Variants in RABL6 observed in about 807,000 individuals in gnomAD.
The protein encoded by RABL6 is rab-like protein 6.
RABL6 carries 28 observed loss-of-function variants against 72.9 expected under a neutral mutation model. The observed-to-expected ratio is 0.38, with a 90% CI of 0.28 to 0.53. RABL6 has a LOEUF of 0.53. Among genes scored for constraint, RABL6 ranks in the 20% least tolerant of loss-of-function variants. RABL6 has a pLI of 0.80. For synonymous variants in RABL6, 477 were observed against 421.2 expected (o/e 1.13, Z -1.62); for missense variants, 1,029 against 1,008.4 (o/e 1.02, Z -0.28).
chr9:136,839,327 C>T lies in RABL6; in HGVS notation c.1599C>T (p.Arg533=), dbSNP rs753915770. The T allele has an allele frequency of 1.9e-6, 3 of 1,612,596 alleles. No individual in the cohort carries two copies. The highest frequency in any genetic ancestry group is 2.2e-5 in the East Asian group (1 of 44,878). The part of the protein sequence containing the change: ...GVSVRTGPEK[R]SSTRPPAEME... ...CTGTTCGCACAGGTCCGGAGAAGCG[C>T]AGCAGCACCAGGCCCCCTGCTGAGA... The change falls in exon 12 of 15, where the codon CGC becomes CGT. Residue 533 remains arginine, a synonymous_variant. Coordinates refer to ENST00000311502, the MANE Select transcript of RABL6 (RefSeq NM_024718.5).
intron 2 of RABL6, 98 bp downstream of exon 2, chr9:136,823,757 A>C: frequency 7.0e-7 from 1 of 1,420,496 alleles, no homozygotes; most frequent in Non-Finnish European, 9.3e-7. Flanking sequence ...GGTCTCCCCG[A>C]AGAGTTCTTG....
Position 136,841,182 on chromosome 9 carries a change from A to T in RABL6, c.*660A>T. ...TCAGACCATAAAGCACTCCTGTTTCACTCTGCGTGTGTCTGTTCTTCTGCC... is the reference window on the plus strand; with the variant it reads ...TCAGACCATAAAGCACTCCTGTTTCTCTCTGCGTGTGTCTGTTCTTCTGCC... On this transcript the variant is annotated 3_prime_UTR_variant, in exon 15 of 15. Transcript: ENST00000311502. 1 of 630,154 alleles carries T rather than the reference A, an allele frequency of 1.6e-6. No homozygotes were observed. 39.0% of individuals were successfully genotyped at this position (630,154 alleles called of 1,614,324 possible). A position where few individuals can be genotyped will look rare whatever the true frequency, so the allele number is the denominator to read the frequency against.
At chr9:136,815,339 G>T in intron 1 of RABL6, 1 of 276,726 alleles carries the variant, frequency 3.6e-6, no homozygotes, top group Non-Finnish European at 7.4e-6. Context: ...TTTTTGTTCG[G>T]GAAACTGTCA....
intron 5 of RABL6, among the ~76,000 whole-genome samples, chr9:136,829,693 A>T (rs1014139042): frequency 6.6e-6 from 1 of 152,240 alleles, no homozygotes; most frequent in Non-Finnish European, 1.5e-5. Context: ...ATGGGGCGGG[A>T]TGGCGTGGGC....
At chr9:136,821,457 C>T (rs1213579248) in intron 1 of RABL6, 2 of 985,438 alleles carry the variant, frequency 2.0e-6, no homozygotes, top group Non-Finnish European at 2.4e-6. Flanking sequence ...ACCTCGGGGC[C>T]GCGGGACGGA....
chr9:136,819,128 C>T (rs1276924862), intron 1 of RABL6, among the ~76,000 whole-genome samples: 2 of 152,010 alleles, frequency 1.3e-5, no homozygotes, highest in African/African-American at 2.4e-5. Flanking sequence ...CGAGACCATC[C>T]TGGCTAACAT....
intron 1 of RABL6, chr9:136,809,558 C>T (rs187044747): frequency 5.5e-5 from 10 of 180,314 alleles, no homozygotes; most frequent in Admixed American, 4.9e-4. Flanking sequence ...GGGCAGATCA[C>T]GAGGTCAGGA....
chr9:136,838,795 G>A (rs1458377475), intron 10 of RABL6, 114 bp from the exon 11 acceptor site: 3 of 930,372 alleles, frequency 3.2e-6, no homozygotes, highest in African/African-American at 1.7e-5. Context: ...CTGGGGTGGG[G>A]TGGCCCCACG....
chr9:136,820,554 A>T (rs1026634428), intron 1 of RABL6, among the ~76,000 whole-genome samples: 1 of 152,090 alleles, frequency 6.6e-6, no homozygotes, highest in Non-Finnish European at 1.5e-5. Flanking sequence ...TATTTTTAGT[A>T]GATACGGGGT....
At chr9:136,816,724 AG>A (rs1212586246) in intron 1 of RABL6, among the ~76,000 whole-genome samples, 9,564 of 112,860 alleles carry the variant, frequency 0.085, 411 homozygotes, top group African/African-American at 0.13. Context: ...CTCAAAAAAA[AG>A]GGGGGGGGGG....
intron 1 of RABL6, chr9:136,812,713 C>T: frequency 3.5e-6 from 1 of 284,486 alleles, no homozygotes; most frequent in South Asian, 4.4e-5. Context: ...TGTCATTGAT[C>T]AGGTAACGGA....
intron 1 of RABL6, chr9:136,813,720 AT>A: frequency 5.2e-6 from 1 of 190,892 alleles, no homozygotes; most frequent in Non-Finnish European, 1.1e-5. Context: ...AGTTTGCGCC[AT>A]TTTCCTGCCT....
intron 7 of RABL6, chr9:136,834,045 G>C: frequency 6.9e-7 from 1 of 1,458,866 alleles, no homozygotes; most frequent in Non-Finnish European, 9.1e-7. Context: ...GTAGGGCTGA[G>C]CTGTGTGTGA....
At chr9:136,822,331 G>T (rs1227366388) in intron 1 of RABL6, among the ~76,000 whole-genome samples, 5 of 152,138 alleles carry the variant, frequency 3.3e-5, no homozygotes, top group Non-Finnish European at 7.4e-5. Context: ...CACCAACCCG[G>T]CTCCCTTCCC....
At position 136,808,386 on chromosome 9, in the gene RABL6, C is replaced by T. The variant is rs1189737816; in HGVS notation, c.130+60C>T. The T allele has an allele frequency of 3.6e-6, 5 of 1,384,600 alleles. No individual in the cohort carries two copies. In the African/African-American group the frequency reaches 6.2e-5, roughly 17 times the overall value. 85.8% of individuals were successfully genotyped at this position (1,384,600 alleles called of 1,614,324 possible). On this transcript the variant is annotated intron_variant, in intron 1 of 14. Coordinates refer to ENST00000311502, the MANE Select transcript of RABL6 (RefSeq NM_024718.5). Reference sequence around the variant, plus strand: ...CGCGCGGGTCTCCGAACCCAGGCCCCGGGCGCCGCGCGGTGGTGGGTGTCG... The same window carrying T: ...CGCGCGGGTCTCCGAACCCAGGCCCTGGGCGCCGCGCGGTGGTGGGTGTCG...
intron 7 of RABL6, chr9:136,833,943 G>C (rs1394075299): frequency 4.5e-6 from 7 of 1,548,076 alleles, no homozygotes; most frequent in Non-Finnish European, 6.1e-6. Flanking sequence ...CCACTGCTCA[G>C]CTGCTCCATT....
intron 1 of RABL6, chr9:136,813,123 G>T: frequency 2.4e-6 from 1 of 424,336 alleles, no homozygotes; most frequent in South Asian, 2.0e-5. Context: ...CCTCTTCAGT[G>T]GTGTCCTCAG....
rs1564371707 is a variant in RABL6 at position 136,837,221 on chromosome 9, G to A, written c.810-125G>A. 2.7e-6 allele frequency: 3 copies of A among 1,097,342 alleles called. No individual in the cohort carries two copies. In the South Asian group the frequency reaches 4.0e-5, roughly 15 times the overall value. 68.0% of individuals were successfully genotyped at this position (1,097,342 alleles called of 1,614,324 possible). Reference sequence around the variant, plus strand: ...GGATGGGGATGATGGCCTCTGTGGGGCGGGTGGCCCAGAACACAGTGGCTC... The same window carrying A: ...GGATGGGGATGATGGCCTCTGTGGGACGGGTGGCCCAGAACACAGTGGCTC... On this transcript the variant is annotated intron_variant, in intron 8 of 14. Transcript: ENST00000311502.
rs536135310 is a variant in RABL6 at position 136,812,846 on chromosome 9, C to T, written c.130+4520C>T. The T allele has an allele frequency of 2.3e-4, 74 of 328,100 alleles. 3 individuals are homozygous for T. The highest frequency in any genetic ancestry group is 2.1e-3 in the South Asian group (70 of 33,434). The allele number at this position is 328,100 out of a possible 1,614,324, so 20.3% of individuals were successfully genotyped here. A position where few individuals can be genotyped will look rare whatever the true frequency, so the allele number is the denominator to read the frequency against. ...ACCTCTGCCTCCCCAGAAGCTGCCT[C>T]GCCCACCAAAGCCTTCCTGGCTTCT... On this transcript the variant is annotated intron_variant, in intron 1 of 14. Transcript: ENST00000311502.
Sources: gnomAD v4.1 joint callset for allele counts (sites outside exome capture counted in the v4.1 genomes callset) on GRCh38, gnomAD v4.1.1 for gene constraint, MANE v1.5 for transcripts, NCBI Gene and HGNC (gene_info 2026-07-23, HGNC 2026-07-21) for gene names.